AFF3: variants seen among roughly 807,000 people sequenced by gnomAD.
AFF3 encodes the protein ALF transcription elongation factor 3.
In AFF3, 32 loss-of-function variants were observed where a neutral mutation model predicts 129.7. The ratio of observed to expected loss-of-function variants is 0.25; its 90% CI spans 0.19 to 0.33. AFF3 has a LOEUF of 0.33. Ranked by LOEUF, AFF3 falls within the 10% of genes least tolerant of loss-of-function variation. The pLI, the probability that AFF3 is intolerant of heterozygous loss-of-function variation, is 1.00. For synonymous variants in AFF3, 644 were observed against 635.4 expected, an observed-to-expected ratio of 1.01 and a Z score of -0.20; for missense variants, 1,373 against 1,592.0, an observed-to-expected ratio of 0.86 and a Z score of 2.34.
At chr2:99,881,643 G>A (rs572401774) in intron 7 of AFF3, among the ~76,000 whole-genome samples, 20 of 152,158 alleles carry the variant, frequency 1.3e-4, no homozygotes, top group Admixed American at 2.6e-4. Flanking sequence ...TGTTTGATCC[G>A]GAAAATCTGA....
chr2:99,575,468 CCAGGCTCGTCT>C (rs1257916859), intron 18 of AFF3, among the ~76,000 whole-genome samples: 1 of 141,836 alleles, frequency 7.1e-6, no homozygotes, highest in Non-Finnish European at 1.5e-5. Flanking sequence ...ACTGTGTTGG[CCAGGCTCGTCT>C]CAAGCTCCTG....
Position 100,050,172 on chromosome 2 carries a change from T to C in AFF3, c.54-41240A>G, listed in dbSNP as rs1238672128. On this transcript the variant is annotated intron_variant, in intron 4 of 24. Coordinates refer to ENST00000672756, the MANE Select transcript of AFF3 (RefSeq NM_001386135.1). The stretch of plus-strand genomic sequence containing the variant: ...GAGATCACACCACTGCACTCCAGCC[T>C]GGGTGACAGAGCAAGACTTCATCTC... Among the ~76,000 whole-genome samples the C allele has an allele frequency of 4.0e-5, 6 of 151,458 alleles. No individual in the cohort carries two copies. The East Asian group carries it at 1.2e-3, about 30-fold the overall frequency.
chr2:99,584,443 T>C lies in AFF3; in HGVS notation c.2592-1444A>G, dbSNP rs1677894976. ...GAGATTGCGCCACTGCACTCCAGCATGGGCGACAGAATAAGACTCCGTCTC... is the reference window on the plus strand; with the variant it reads ...GAGATTGCGCCACTGCACTCCAGCACGGGCGACAGAATAAGACTCCGTCTC... On this transcript the variant is annotated intron_variant, in intron 16 of 24. Coordinates refer to ENST00000672756, the MANE Select transcript of AFF3 (RefSeq NM_001386135.1). Among the ~76,000 whole-genome samples the C allele has an allele frequency of 3.3e-5, 5 of 152,312 alleles. No individual in the cohort carries two copies. The South Asian group carries it at 1.0e-3, about 32-fold the overall frequency.
Position 99,593,554 on chromosome 2 carries a change from C to T in AFF3, c.2107G>A (p.Gly703Arg), listed in dbSNP as rs778018452. 6 of 1,613,182 alleles carry T rather than the reference C, an allele frequency of 3.7e-6. No homozygotes were observed. In the African/African-American group the frequency reaches 5.3e-5, roughly 14 times the overall value. ...GCCTCCTTCAGCCTCTGATCATTCC[C>T]GGAGGAGGCAGAGGCAGCCACGGTC... ...AQTVAASASS[G>R]NDQRLKEAAA... Residue 703 changes from glycine (G) to arginine (R), a missense_variant, in exon 15 of 25, where the codon GGG becomes AGG. Gly to Arg is a moderately radical substitution (Grantham distance 125). Transcript: ENST00000672756.
intron 8 of AFF3, among the ~76,000 whole-genome samples, chr2:99,807,917 G>GA (rs1686479866): frequency 6.6e-6 from 1 of 152,158 alleles, no homozygotes; most frequent in Non-Finnish European, 1.5e-5. Context: ...CTGTGCCCCT[G>GA]AGCCCCTTCC....
At position 99,548,897 on chromosome 2, in the gene AFF3, C is replaced by T. The variant is rs1674216387; in HGVS notation, c.*2577G>A. On this transcript the variant is annotated 3_prime_UTR_variant, in exon 25 of 25. Coordinates refer to ENST00000672756, the MANE Select transcript of AFF3 (RefSeq NM_001386135.1). ...GAAACTGCTGTACCAACGTGCTCCACACGTGCTCCACAGATGAAACAAGAC... is the reference window on the plus strand; with the variant it reads ...GAAACTGCTGTACCAACGTGCTCCATACGTGCTCCACAGATGAAACAAGAC... The T allele has an allele frequency of 8.9e-6, 2 of 224,788 alleles. No individual in the cohort carries two copies. The highest frequency in any genetic ancestry group is 5.2e-5 in the African/African-American group (2 of 38,134). The allele number at this position is 224,788 out of a possible 1,614,324, so 13.9% of individuals were successfully genotyped here.
intron 11 of AFF3, among the ~76,000 whole-genome samples, chr2:99,676,819 G>A (rs559313183): frequency 1.3e-5 from 2 of 152,296 alleles, no homozygotes; most frequent in African/African-American, 4.8e-5. Flanking sequence ...GTGGCTTTAT[G>A]TCGACAGGAC....
chr2:99,888,699 C>T (rs1414118351), intron 7 of AFF3, among the ~76,000 whole-genome samples: 1 of 152,084 alleles, frequency 6.6e-6, no homozygotes, highest in African/African-American at 2.4e-5. Flanking sequence ...AAAGCATGTG[C>T]ATCAAAACTG....
intron 8 of AFF3, among the ~76,000 whole-genome samples, chr2:99,793,782 G>T (rs1426955365): frequency 6.6e-6 from 1 of 151,960 alleles, no homozygotes; most frequent in Non-Finnish European, 1.5e-5. Context: ...AATGAGTTCT[G>T]CTCCTATCTT....
intron 4 of AFF3, among the ~76,000 whole-genome samples, chr2:100,081,210 C>T (rs1689022923): frequency 6.6e-6 from 1 of 152,094 alleles, no homozygotes; most frequent in African/African-American, 2.4e-5. Context: ...CACCACTATG[C>T]AATATAAGCA....
At chr2:99,954,231 C>T (rs1201052325) in intron 7 of AFF3, among the ~76,000 whole-genome samples, 1 of 151,256 alleles carries the variant, frequency 6.6e-6, no homozygotes, top group African/African-American at 2.4e-5. Flanking sequence ...AAAAAAAAAA[C>T]CCACTTAATT....
intron 11 of AFF3, chr2:99,707,259 T>A: frequency 1.0e-6 from 1 of 985,402 alleles, no homozygotes. Flanking sequence ...ATGTCCAAGA[T>A]TAAAGGAAGA....
chr2:99,950,576 A>G (rs1300570118), intron 7 of AFF3, among the ~76,000 whole-genome samples: 1 of 152,218 alleles, frequency 6.6e-6, no homozygotes, highest in Non-Finnish European at 1.5e-5. Context: ...ATGAAAATTT[A>G]GAGGGATTTT....
At chr2:100,126,833 AATTGAAT>A (rs1692213864) in intron 2 of AFF3, among the ~76,000 whole-genome samples, 1 of 152,212 alleles carries the variant, frequency 6.6e-6, no homozygotes, top group Non-Finnish European at 1.5e-5. Context: ...TGTTTCCAAT[AATTGAAT>A]ATTTTATTTC....
At chr2:99,750,021 T>A (rs1052249053) in intron 9 of AFF3, among the ~76,000 whole-genome samples, 1 of 152,078 alleles carries the variant, frequency 6.6e-6, no homozygotes, top group Non-Finnish European at 1.5e-5. Flanking sequence ...CATCCACAAC[T>A]AAAACAAAGT....
At chr2:99,793,271 C>CTA (rs1217289413) in intron 8 of AFF3, among the ~76,000 whole-genome samples, 2 of 152,250 alleles carry the variant, frequency 1.3e-5, no homozygotes, top group Non-Finnish European at 2.9e-5. Context: ...TCCATCCTGA[C>CTA]TATAAGCTTC....
chr2:99,757,015 T>C (rs910560223), intron 8 of AFF3, among the ~76,000 whole-genome samples: 5 of 152,212 alleles, frequency 3.3e-5, no homozygotes, highest in African/African-American at 9.6e-5. Flanking sequence ...CCCCTGACTC[T>C]CTTCCCCCGT....
Position 99,637,253 on chromosome 2 carries a change from T to TAAACAAAGCA in AFF3, c.1184+12363_1184+12372dup, listed in dbSNP as rs990457132. On this transcript the variant is annotated intron_variant, in intron 13 of 24. Coordinates refer to ENST00000672756, the MANE Select transcript of AFF3 (RefSeq NM_001386135.1). ...GAAAAGTAGTTAAGTAGTTTGGTTT[T>TAAACAAAGCA]AAACAAAGCAAAACAAAGCAAAACA... 1.5e-4 allele frequency among the ~76,000 whole-genome samples: 23 copies of TAAACAAAGCA among 152,312 alleles called. No homozygotes were observed. The East Asian group carries it at 3.7e-3, about 24-fold the overall frequency.
chr2:99,886,419 A>ATT lies in AFF3; in HGVS notation c.874-48897_874-48896dup, dbSNP rs11464583. 4.7e-3 allele frequency among the ~76,000 whole-genome samples: 696 copies of ATT among 148,744 alleles called. 7 individuals carry two copies. The highest frequency in any genetic ancestry group is 6.1e-3 in the Non-Finnish European group (407 of 67,024). On this transcript the variant is annotated intron_variant, in intron 7 of 24. Transcript: ENST00000672756. ...CAACATACTCACTCGAGTCATTACAATTTTTTTTTTTTCAGGAATAAAGGA... is the reference window on the plus strand; with the variant it reads ...CAACATACTCACTCGAGTCATTACAATTTTTTTTTTTTTTCAGGAATAAAGGA...
Sources: allele counts gnomAD v4.1 joint callset (sites outside exome capture counted in the v4.1 genomes callset), GRCh38; gene constraint gnomAD v4.1.1; transcripts MANE v1.5; gene names NCBI Gene and HGNC (gene_info 2026-07-23, HGNC 2026-07-21).